The following TTLL5 variants were observed in gnomAD, a reference collection of about 807,000 sequenced individuals.
TTLL5 encodes tubulin polyglutamylase TTLL5.
In TTLL5, 132 loss-of-function variants were observed where a neutral mutation model predicts 168.4. The observed-to-expected ratio is 0.78, with a 90% confidence interval of 0.68 to 0.91. The LOEUF (loss-of-function observed/expected upper bound fraction) is 0.91. Ranked by LOEUF, TTLL5 falls within the 40% of genes least tolerant of loss-of-function variation. TTLL5 has a pLI of 0.00. For missense variants in TTLL5, 1,545 were observed against 1,581.5 expected (o/e 0.98, Z 0.39); for synonymous variants, 546 against 558.6 (o/e 0.98, Z 0.32).
At chr14:75,810,512 C>T (rs1893930052) in intron 27 of TTLL5, among the ~76,000 whole-genome samples, 1 of 152,074 alleles carries the variant, frequency 6.6e-6, no homozygotes, top group African/African-American at 2.4e-5. Flanking sequence ...GGACTACAGG[C>T]ATGCACCACC....
chr14:75,850,530 T>A (rs1440599019), intron 28 of TTLL5, among the ~76,000 whole-genome samples: 3 of 152,116 alleles, frequency 2.0e-5, no homozygotes, highest in African/African-American at 7.2e-5. Flanking sequence ...TGTTTATCAA[T>A]GAATTTATTC....
At chr14:75,737,832 A>T (rs1889004537) in intron 15 of TTLL5, among the ~76,000 whole-genome samples, 1 of 152,332 alleles carries the variant, frequency 6.6e-6, no homozygotes, top group South Asian at 2.1e-4. Flanking sequence ...GATAGTGATT[A>T]TACTGAGATG....
chr14:75,709,223 T>C (rs1886875397), intron 9 of TTLL5: 2 of 761,698 alleles, frequency 2.6e-6, no homozygotes, highest in Non-Finnish European at 4.8e-6. Flanking sequence ...AAAAGAAGGC[T>C]ACCTATTTAT....
chr14:75,874,810 G>C (rs1295602073), intron 29 of TTLL5, among the ~76,000 whole-genome samples: 1 of 151,730 alleles, frequency 6.6e-6, no homozygotes, highest in Non-Finnish European at 1.5e-5. Flanking sequence ...CTGAATGTGT[G>C]TGTGTATATA....
chr14:75,916,687 G>T, intron 31 of TTLL5, among the ~76,000 whole-genome samples: 1 of 152,152 alleles, frequency 6.6e-6, no homozygotes, highest in East Asian at 1.9e-4. Context: ...TTCATTCTGT[G>T]TGCGTATGCC....
At chr14:75,788,525 C>T (rs1013070939) in intron 26 of TTLL5, among the ~76,000 whole-genome samples, 1 of 151,976 alleles carries the variant, frequency 6.6e-6, no homozygotes, top group Non-Finnish European at 1.5e-5. Context: ...ATGGACCAAA[C>T]TCATACAAAC....
intron 27 of TTLL5, among the ~76,000 whole-genome samples, chr14:75,811,165 GTGTGTGTGTGTGTGTGTGTGTGTA>G (rs1213241016): frequency 7.1e-6 from 1 of 140,930 alleles, no homozygotes; most frequent in Non-Finnish European, 1.5e-5. Flanking sequence ...GAGTGTGTGT[GTGTGTGTGTGTGTGTGTGTGTGTA>G]TGTGTGTGTG....
At chr14:75,752,976 A>C in intron 18 of TTLL5, 21 bp downstream of exon 18, 2 of 1,606,608 alleles carry the variant, frequency 1.2e-6, no homozygotes, top group Non-Finnish European at 1.7e-6. Flanking sequence ...GCTAAACTTT[A>C]AATTTAGGAC....
chr14:75,714,214 C>T (rs966579780), intron 9 of TTLL5, among the ~76,000 whole-genome samples: 6 of 152,118 alleles, frequency 3.9e-5, no homozygotes, highest in Non-Finnish European at 1.5e-5. Context: ...TAATTCTTGT[C>T]ATTGCATTAT....
At chr14:75,712,219 G>C (rs1265281224) in intron 9 of TTLL5, 2 of 152,074 alleles carry the variant, frequency 1.3e-5, no homozygotes, top group East Asian at 3.9e-4. Flanking sequence ...TCTGGGTCAG[G>C]CCAGGATGAA....
intron 9 of TTLL5, among the ~76,000 whole-genome samples, chr14:75,713,228 C>T (rs954348466): frequency 3.3e-5 from 5 of 152,190 alleles, no homozygotes; most frequent in African/African-American, 7.2e-5. Context: ...AAATTTCTGT[C>T]GCCTAGTGAC....
chr14:75,861,595 T>A (rs568223597), intron 28 of TTLL5, among the ~76,000 whole-genome samples: 26 of 152,346 alleles, frequency 1.7e-4, no homozygotes, highest in African/African-American at 5.8e-4. Flanking sequence ...TAAATCACTA[T>A]GAATACTTTT....
At chr14:75,929,066 T>A (rs1274366327) in intron 31 of TTLL5, among the ~76,000 whole-genome samples, 2 of 150,696 alleles carry the variant, frequency 1.3e-5, no homozygotes, top group Non-Finnish European at 3.0e-5. Context: ...GATCATCTTG[T>A]CATTGTACAC....
intron 31 of TTLL5, among the ~76,000 whole-genome samples, chr14:75,951,263 G>T (rs544482784): frequency 4.6e-5 from 7 of 150,950 alleles, no homozygotes; most frequent in Admixed American, 1.3e-4. Flanking sequence ...CAGGAGGATC[G>T]TTTGAGCCCA....
chr14:75,821,375 C>A (rs73311444), intron 28 of TTLL5, among the ~76,000 whole-genome samples: 2,252 of 152,248 alleles, frequency 0.015, 52 homozygotes, highest in African/African-American at 0.052. Flanking sequence ...AAACATCAGT[C>A]ATAAACAAGA....
chr14:75,682,888 T>G (rs1884733142), intron 4 of TTLL5, among the ~76,000 whole-genome samples: 1 of 151,872 alleles, frequency 6.6e-6, no homozygotes, highest in Non-Finnish European at 1.5e-5. Flanking sequence ...TGCCTCAGCC[T>G]CCCAAGTAGT....
intron 2 of TTLL5, among the ~76,000 whole-genome samples, chr14:75,666,493 C>T (rs751527953): frequency 4.6e-5 from 7 of 152,196 alleles, no homozygotes; most frequent in Non-Finnish European, 7.3e-5. Context: ...GAAAAAATGT[C>T]AACTTTAATT....
In TTLL5 at chr14:75,669,397, G is replaced by A. The variant is rs1883539486; in HGVS notation, c.75-19G>A. 3 of 1,602,070 alleles carry A rather than the reference G, an allele frequency of 1.9e-6. No individual in the cohort carries two copies. The South Asian group carries it at 3.3e-5, about 18-fold the overall frequency. ...AGGTTTTGAGCTGTAAATTAATGAA[G>A]GCTTTTTTGTCGTTATAGGGATCAT... On this transcript the variant is annotated intron_variant, in intron 2 of 31. Transcript: ENST00000298832.
At chr14:75,802,180 T>G (rs914343477) in intron 27 of TTLL5, among the ~76,000 whole-genome samples, 2 of 152,218 alleles carry the variant, frequency 1.3e-5, no homozygotes, top group African/African-American at 4.8e-5. Flanking sequence ...ATTATTTTCT[T>G]GCCTTATCTT....
Sources: allele counts gnomAD v4.1 joint callset (sites outside exome capture counted in the v4.1 genomes callset), GRCh38; gene constraint gnomAD v4.1.1; transcripts MANE v1.5; gene names NCBI Gene and HGNC (gene_info 2026-07-23, HGNC 2026-07-21).